TRIP12: variants seen among roughly 807,000 people sequenced by gnomAD.
The protein encoded by TRIP12 is thyroid hormone receptor interactor 12, also known as E3 ubiquitin-protein ligase TRIP12.
Under a neutral mutation model 244.2 loss-of-function variants are expected in TRIP12, and 25 were observed. That is an observed-to-expected ratio of 0.10 (90% CI 0.07 to 0.14). TRIP12 has a LOEUF of 0.14. TRIP12 is among the 10% of genes least tolerant of loss of function. The probability of loss-of-function intolerance (pLI) is 1.00; values close to 1 mark genes in which losing one functional copy is unlikely to be tolerated. For synonymous variants in TRIP12, 905 were observed against 873.1 expected (o/e 1.04, Z -0.64); for missense variants, 1,677 against 2,486.4 (o/e 0.67, Z 6.92).
intron 4 of TRIP12, among the ~76,000 whole-genome samples, chr2:229,851,549 G>T (rs183637211): frequency 6.6e-6 from 1 of 152,098 alleles, no homozygotes; most frequent in Non-Finnish European, 1.5e-5. Flanking sequence ...CAACCCGCTC[G>T]GGTCCCCTTC....
At chr2:229,824,751 A>G (rs1009006168) in intron 8 of TRIP12, among the ~76,000 whole-genome samples, 9 of 152,240 alleles carry the variant, frequency 5.9e-5, no homozygotes, top group African/African-American at 1.9e-4. Context: ...CATGGACAAT[A>G]TAGATATTTA....
At chr2:229,831,141 C>T in intron 6 of TRIP12, 1 of 715,270 alleles carries the variant, frequency 1.4e-6, no homozygotes, top group East Asian at 2.7e-5. Context: ...GTCCTGAATC[C>T]CTCTTCTGAA....
In TRIP12 at chr2:229,785,727, T is replaced by G; in HGVS notation, c.5094+30A>C. The stretch of plus-strand genomic sequence containing the variant: ...ATTTAATTAAGAGCACAAGTCAAGC[T>G]AAATAACCATCACCAGACTCCAAGC... On this transcript the variant is annotated intron_variant, in intron 34 of 41. Transcript: ENST00000675903. 4 of 1,593,200 alleles carry G rather than the reference T, an allele frequency of 2.5e-6. No individual in the cohort carries two copies. The Middle Eastern group carries it at 5.0e-4, about 200-fold the overall frequency.
At chr2:229,786,564 ATTTTTTT>A (rs34969936) in intron 33 of TRIP12, among the ~76,000 whole-genome samples, 19 of 78,022 alleles carry the variant, frequency 2.4e-4, no homozygotes, top group South Asian at 1.1e-3. Context: ...CGCCCAGATA[ATTTTTTT>A]TTTTTTTTTT....
chr2:229,771,750 T>C, intron 38 of TRIP12, 118 bp from the exon 39 acceptor site: 2 of 648,118 alleles, frequency 3.1e-6, no homozygotes, highest in East Asian at 5.7e-5. Flanking sequence ...ACAAACAAGT[T>C]ATTAAGACTT....
intron 34 of TRIP12, among the ~76,000 whole-genome samples, chr2:229,779,465 T>A (rs532389002): frequency 1.3e-5 from 2 of 152,238 alleles, no homozygotes; most frequent in East Asian, 3.8e-4. Context: ...TACATGACTT[T>A]ACCACAATTT....
At chr2:229,822,002 C>T (rs1237459944) in intron 8 of TRIP12, among the ~76,000 whole-genome samples, 1 of 152,046 alleles carries the variant, frequency 6.6e-6, no homozygotes, top group African/African-American at 2.4e-5. Context: ...TAGCCGGGCG[C>T]GGTGGTGTGC....
chr2:229,878,625 A>G (rs1164837799), intron 2 of TRIP12, among the ~76,000 whole-genome samples: 1 of 149,582 alleles, frequency 6.7e-6, no homozygotes, highest in Non-Finnish European at 1.5e-5. Context: ...TCTGTCGCCC[A>G]GGCTGGAGTG....
intron 1 of TRIP12, among the ~76,000 whole-genome samples, chr2:229,919,273 G>A (rs1054845773): frequency 5.9e-5 from 9 of 151,936 alleles, no homozygotes; most frequent in Non-Finnish European, 1.0e-4. Flanking sequence ...AAAATTAGCC[G>A]GGCGTGGTGG....
chr2:229,908,222 C>T (rs1363785030), intron 1 of TRIP12, among the ~76,000 whole-genome samples: 1 of 152,136 alleles, frequency 6.6e-6, no homozygotes, highest in Non-Finnish European at 1.5e-5. Flanking sequence ...CATTCATTTT[C>T]CACACCAGTG....
chr2:229,795,878 A>T (rs2042688310), intron 25 of TRIP12, among the ~76,000 whole-genome samples: 1 of 152,224 alleles, frequency 6.6e-6, no homozygotes. Flanking sequence ...AGGTTGACTC[A>T]CAAGTTAAAA....
At chr2:229,845,535 G>GA (rs1283966205) in intron 4 of TRIP12, among the ~76,000 whole-genome samples, 11 of 151,452 alleles carry the variant, frequency 7.3e-5, no homozygotes, top group East Asian at 1.9e-4. Context: ...CTTTGAGGGG[G>GA]AAAAAAAACC....
chr2:229,827,479 T>A (rs986721767), intron 8 of TRIP12, among the ~76,000 whole-genome samples: 1 of 151,862 alleles, frequency 6.6e-6, no homozygotes, highest in East Asian at 1.9e-4. Context: ...ATTATTATTA[T>A]TTTTTTGGTT....
intron 4 of TRIP12, among the ~76,000 whole-genome samples, chr2:229,847,645 T>C (rs2057843314): frequency 6.6e-6 from 1 of 152,190 alleles, no homozygotes; most frequent in Non-Finnish European, 1.5e-5. Flanking sequence ...TGAGATTAAC[T>C]ACCAATCAAA....
chr2:229,885,065 A>T (rs531952693), intron 1 of TRIP12, among the ~76,000 whole-genome samples: 1 of 152,180 alleles, frequency 6.6e-6, no homozygotes, highest in South Asian at 2.1e-4. Context: ...ATAAGATTAC[A>T]TAATACCACA....
intron 2 of TRIP12, among the ~76,000 whole-genome samples, chr2:229,879,026 G>T (rs1424633491): frequency 6.6e-6 from 1 of 152,074 alleles, no homozygotes; most frequent in African/African-American, 2.4e-5. Context: ...GCCGAGGCGG[G>T]TGAATCGCTT....
chr2:229,813,859 G>A lies in TRIP12; in HGVS notation c.1986+11C>T, dbSNP rs1254181779. 1 of 1,474,400 alleles carries A rather than the reference G, an allele frequency of 6.8e-7. No homozygotes were observed. Among genetic ancestry groups the A allele is most frequent in the Non-Finnish European group, 9.2e-7 (1 of 1,091,696 alleles). The allele number at this position is 1,474,400 out of a possible 1,614,324, so 91.3% of individuals were successfully genotyped here. A position where few individuals can be genotyped will look rare whatever the true frequency, so the allele number is the denominator to read the frequency against. ...ACACTTTATGGCACATAAAATAGATGCATATTTTACCTGATGTGTTAGCCT... is the reference window on the plus strand; with the variant it reads ...ACACTTTATGGCACATAAAATAGATACATATTTTACCTGATGTGTTAGCCT... On this transcript the variant is annotated intron_variant, in intron 13 of 41. Transcript: ENST00000675903.
chr2:229,843,439 A>G (rs1455017990), intron 4 of TRIP12, among the ~76,000 whole-genome samples: 1 of 152,182 alleles, frequency 6.6e-6, no homozygotes, highest in African/African-American at 2.4e-5. Context: ...CAAACAAACA[A>G]AAACAGGCTG....
At chr2:229,906,028 G>A (rs1376824247) in intron 1 of TRIP12, among the ~76,000 whole-genome samples, 1 of 152,242 alleles carries the variant, frequency 6.6e-6, no homozygotes, top group Non-Finnish European at 1.5e-5. Context: ...TTCATGGCCA[G>A]GCGCAGTGGC....
Sources: gnomAD v4.1 joint callset for allele counts (sites outside exome capture counted in the v4.1 genomes callset) on GRCh38, gnomAD v4.1.1 for gene constraint, MANE v1.5 for transcripts, NCBI Gene and HGNC (gene_info 2026-07-23, HGNC 2026-07-21) for gene names.